TRPC4AP: variants seen among roughly 807,000 people sequenced by gnomAD.
TRPC4AP encodes the protein short transient receptor potential channel 4-associated protein.
Under a neutral mutation model 99.0 loss-of-function variants are expected in TRPC4AP, and 45 were observed. That is an observed-to-expected ratio of 0.45 (90% CI 0.36 to 0.58). TRPC4AP has a LOEUF of 0.58. TRPC4AP is among the 20% of genes least tolerant of loss of function. The probability of loss-of-function intolerance (pLI) is 0.00; values close to 1 mark genes in which losing one functional copy is unlikely to be tolerated. For synonymous variants in TRPC4AP, 408 were observed against 385.8 expected (o/e 1.06, Z -0.67); for missense variants, 879 against 985.3 (o/e 0.89, Z 1.44).
intron 8 of TRPC4AP, among the ~76,000 whole-genome samples, chr20:35,033,475 C>G (rs2083247741): frequency 6.6e-6 from 1 of 152,190 alleles, no homozygotes; most frequent in African/African-American, 2.4e-5. Flanking sequence ...TCTGGTATCA[C>G]ATCCAGCTGT....
Position 35,049,898 on chromosome 20 carries a change from T to C in TRPC4AP, c.625A>G (p.Thr209Ala), listed in dbSNP as rs1235607462. ...TSKKTFLQTA[T>A]LIEDILGVKK... ...ACACCCAAAATATCTTCAATGAGGG[T>C]TGCTGTTTGTAAGAATGTCTTCTTA... The change falls in exon 6 of 19, where the codon ACC becomes GCC. Residue 209 changes from threonine (T) to alanine (A), a missense_variant. Coordinates refer to ENST00000252015, the MANE Select transcript of TRPC4AP (RefSeq NM_015638.3). 9.9e-6 allele frequency: 16 copies of C among 1,613,680 alleles called. No homozygotes were observed. Among genetic ancestry groups the C allele is most frequent in the Non-Finnish European group, 1.4e-5 (16 of 1,179,890 alleles).
chr20:35,043,696 T>C (rs190856321), intron 7 of TRPC4AP, among the ~76,000 whole-genome samples: 1 of 152,326 alleles, frequency 6.6e-6, no homozygotes, highest in East Asian at 1.9e-4. Context: ...ATAAATTAGG[T>C]ACACTAAGAG....
chr20:35,004,385 C>T (rs1270650558), intron 17 of TRPC4AP, 73 bp downstream of exon 17: 2 of 1,358,394 alleles, frequency 1.5e-6, no homozygotes, highest in Non-Finnish European at 2.1e-6. Flanking sequence ...GGACAGAAAC[C>T]TGCTGGGCAC....
At chr20:35,034,609 T>C (rs374701715) in intron 8 of TRPC4AP, among the ~76,000 whole-genome samples, 1 of 152,264 alleles carries the variant, frequency 6.6e-6, no homozygotes, top group African/African-American at 2.4e-5. Context: ...GGTTTGTATA[T>C]TCTGAACCTG....
chr20:35,062,883 A>T (rs1369408445), intron 3 of TRPC4AP, among the ~76,000 whole-genome samples: 1 of 152,242 alleles, frequency 6.6e-6, no homozygotes, highest in African/African-American at 2.4e-5. Flanking sequence ...GCTATTATTT[A>T]AAACAATAAA....
chr20:35,070,865 C>T (rs551535715), intron 2 of TRPC4AP, among the ~76,000 whole-genome samples: 127 of 152,060 alleles, frequency 8.4e-4, no homozygotes, highest in Middle Eastern at 3.4e-3. Context: ...TGGAACAAAG[C>T]TAAGAGGAAA....
At chr20:35,028,235 A>C (rs2083078035) in intron 8 of TRPC4AP, among the ~76,000 whole-genome samples, 2 of 142,150 alleles carry the variant, frequency 1.4e-5, no homozygotes, top group East Asian at 2.1e-4. Context: ...ATGGAATCTC[A>C]CTCTGTCACC....
chr20:35,008,628 C>A (rs766254310), intron 13 of TRPC4AP, 36 bp downstream of exon 13: 1 of 1,584,934 alleles, frequency 6.3e-7, no homozygotes, highest in Non-Finnish European at 8.6e-7. Flanking sequence ...GCTCTGCAGC[C>A]CCGCAGAATC....
chr20:35,078,119 G>A lies in TRPC4AP; in HGVS notation c.224C>T (p.Pro75Leu). The A allele has an allele frequency of 6.2e-7, 1 of 1,613,942 alleles. No homozygotes were observed. Among genetic ancestry groups the A allele is most frequent in the Non-Finnish European group, 8.5e-7 (1 of 1,179,914 alleles). The change falls in exon 2 of 19, where the codon CCT (proline) becomes CTT (leucine). Residue 75 changes from proline (P) to leucine (L), a missense_variant. Physicochemically the swap from Pro to Leu is moderately conservative, Grantham distance 98. This residue lies in a region of TRPC4AP where 603 missense variants were observed against 631.8 expected (regional missense o/e 0.95). Coordinates refer to ENST00000252015, the MANE Select transcript of TRPC4AP (RefSeq NM_015638.3). ...GGTGTGCAGCTTGAGGAGCAGCTGA[G>A]GAATTCCACTCCACTTGGATTGTTT... ...RDKQSKWSGI[P>L]QLLLKLHTTS...
chr20:35,039,979 A>G (rs1315584038), intron 7 of TRPC4AP, among the ~76,000 whole-genome samples: 3 of 151,694 alleles, frequency 2.0e-5, no homozygotes, highest in Non-Finnish European at 4.4e-5. Flanking sequence ...TTTGCTAGAC[A>G]AGAAAATGAC....
chr20:35,084,801 T>C (rs1326022392), intron 1 of TRPC4AP, among the ~76,000 whole-genome samples: 1 of 151,166 alleles, frequency 6.6e-6, no homozygotes, highest in African/African-American at 2.4e-5. Flanking sequence ...ATATTTATCC[T>C]TCAATTTAAA....
In TRPC4AP at chr20:35,044,576, G is replaced by T; in HGVS notation, c.794C>A (p.Thr265Lys). Residue 265 changes from threonine to lysine, a missense_variant, in exon 7 of 19, where the codon ACG (threonine) becomes AAG (lysine). Physicochemically the swap from Thr to Lys is moderately conservative, Grantham distance 78. This residue lies in a region of TRPC4AP where 603 missense variants were observed against 631.8 expected (regional missense o/e 0.95). Transcript: ENST00000252015. ...EMDTGNDDKH[T>K]LLAKNAQQKK... ...CTGTTGAGCATTTTTGGCAAGAAGC[G>T]TGTGCTTGTCATCATTCCCTGTATC... is the stretch of plus-strand genomic sequence containing the variant. 6.2e-7 allele frequency: 1 copy of T among 1,614,086 alleles called. No homozygotes were observed. The highest frequency in any genetic ancestry group is 2.2e-5 in the East Asian group (1 of 44,872).
intron 1 of TRPC4AP, 21 bp from the exon 2 acceptor site, chr20:35,078,195 G>A (rs766742767): frequency 1.2e-6 from 2 of 1,609,930 alleles, no homozygotes; most frequent in East Asian, 2.2e-5. Flanking sequence ...AAAAAAGAGA[G>A]AACATATTAT....
At chr20:35,069,653 A>C (rs1397527937) in intron 2 of TRPC4AP, among the ~76,000 whole-genome samples, 1 of 152,190 alleles carries the variant, frequency 6.6e-6, no homozygotes, top group Non-Finnish European at 1.5e-5. Flanking sequence ...CACTTCCAGC[A>C]CAAGCCTTAA....
chr20:35,032,510 C>T (rs1372025767), intron 8 of TRPC4AP, among the ~76,000 whole-genome samples: 10 of 133,104 alleles, frequency 7.5e-5, no homozygotes, highest in South Asian at 2.4e-4. Context: ...CTCGCACTGT[C>T]GCCCAGGCTG....
Position 35,070,557 on chromosome 20 carries a change from C to T in TRPC4AP, c.298-1145G>A, listed in dbSNP as rs868532395. ...TCCCGAGTAGCTGGGACTACAGGCG[C>T]CCGCCACTGCGCCCGGCTAATTTTT... On this transcript the variant is annotated intron_variant, in intron 2 of 18. Transcript: ENST00000252015. 5.2e-4 allele frequency among the ~76,000 whole-genome samples: 79 copies of T among 152,192 alleles called. 1 individual carries two copies. The highest frequency in any genetic ancestry group is 1.9e-3 in the African/African-American group (77 of 41,514).
intron 8 of TRPC4AP, among the ~76,000 whole-genome samples, chr20:35,031,415 TCAAAGAGATGGGG>T (rs1569103584): frequency 1.1e-3 from 125 of 109,580 alleles, no homozygotes; most frequent in Middle Eastern, 4.9e-3. Context: ...TTTTTTTTTT[TCAAAGAGATGGGG>T]TTTTGCCACA....
Position 35,069,343 on chromosome 20 carries a change from T to C in TRPC4AP, c.367A>G (p.Thr123Ala). The change falls in exon 3 of 19, where the codon ACC (threonine) becomes GCC (alanine). Residue 123 changes from threonine (T) to alanine (A), a missense_variant. Coordinates refer to ENST00000252015, the MANE Select transcript of TRPC4AP (RefSeq NM_015638.3). The part of the protein sequence containing the change: ...VTEERKLTQE[T>A]TYPNTYIFDL... ...AAAATGTAAGTATTTGGATAAGTGG[T>C]TTCTTGGGTAAGTTTCCTCTCTTCA... 1 of 1,612,550 alleles carries C rather than the reference T, an allele frequency of 6.2e-7. No homozygotes were observed.
intron 9 of TRPC4AP, among the ~76,000 whole-genome samples, chr20:35,018,489 G>T (rs1201970966): frequency 2.6e-5 from 4 of 151,496 alleles, no homozygotes; most frequent in African/African-American, 9.7e-5. Context: ...CCAGCTACTT[G>T]GAGGGCTGAG....
Sources: gnomAD v4.1 joint callset for allele counts (sites outside exome capture counted in the v4.1 genomes callset) on GRCh38, gnomAD v4.1.1 for gene constraint, gnomAD v4.1.1 regional missense constraint, MANE v1.5 for transcripts, NCBI Gene and HGNC (gene_info 2026-07-23, HGNC 2026-07-21) for gene names.